Variants in VWA5A observed in about 807,000 individuals in gnomAD.
The protein encoded by VWA5A is von Willebrand factor A domain-containing protein 5A.
A neutral mutation model predicts 84.6 loss-of-function variants in VWA5A; 77 were observed. The ratio of observed to expected loss-of-function variants is 0.91; its 90% CI spans 0.76 to 1.10. The LOEUF (loss-of-function observed/expected upper bound fraction) is 1.10, where lower values mean the gene tolerates loss of function less well. Ranked by LOEUF, VWA5A falls within the 50% of genes least tolerant of loss-of-function variation. The pLI is 0.00. For missense variants in VWA5A, 973 were observed against 963.0 expected, an observed-to-expected ratio of 1.01 and a Z score of -0.14; for synonymous variants, 334 against 350.1, an observed-to-expected ratio of 0.95 and a Z score of 0.51.
chr11:124,122,498 C>G (rs1278516119), intron 7 of VWA5A, among the ~76,000 whole-genome samples: 1 of 152,148 alleles, frequency 6.6e-6, no homozygotes, highest in Non-Finnish European at 1.5e-5. Flanking sequence ...AATTGTCAAC[C>G]TAAAAATTGT....
At chr11:124,136,794 T>C (rs912482437) in intron 14 of VWA5A, 120 bp downstream of exon 14, 6 of 774,012 alleles carry the variant, frequency 7.8e-6, no homozygotes, top group Non-Finnish European at 9.8e-6. Context: ...CCTTCCTTCT[T>C]TCCTCTGCCA....
chr11:124,119,488 T>C (rs764585990), intron 7 of VWA5A, among the ~76,000 whole-genome samples: 6 of 152,254 alleles, frequency 3.9e-5, no homozygotes, highest in Non-Finnish European at 8.8e-5. Context: ...GTGAGTGTGC[T>C]AAAAAGTGAA....
rs1389087475 is a variant in VWA5A at position 124,118,476 on chromosome 11, TGA to T, written c.470-53_470-52del. The T allele has an allele frequency of 1.6e-5, 25 of 1,611,718 alleles. No individual in the cohort carries two copies. The East Asian group carries it at 5.4e-4, about 35-fold the overall frequency. On this transcript the variant is annotated intron_variant, in intron 5 of 18. Transcript: ENST00000456829. ...ATAAATGGGGAAATTTTCTTAAGGTTGAGAGTGTCATAAAAAGTGTTGGCAAG... is the reference window on the plus strand; with the variant it reads ...ATAAATGGGGAAATTTTCTTAAGGTTGAGTGTCATAAAAAGTGTTGGCAAG...
chr11:124,119,192 T>A, intron 7 of VWA5A, 103 bp downstream of exon 7: 1 of 1,066,392 alleles, frequency 9.4e-7, no homozygotes, highest in Non-Finnish European at 1.4e-6. Context: ...CAGGGGTGGT[T>A]AATACATGTG....
intron 17 of VWA5A, among the ~76,000 whole-genome samples, chr11:124,143,829 A>G (rs1354675008): frequency 6.6e-6 from 1 of 152,310 alleles, no homozygotes; most frequent in Admixed American, 6.5e-5. Context: ...CTTCAGACTG[A>G]CATTTCCTTC....
chr11:124,120,828 G>A (rs1276618425), intron 7 of VWA5A, among the ~76,000 whole-genome samples: 2 of 152,206 alleles, frequency 1.3e-5, no homozygotes, highest in African/African-American at 4.8e-5. Flanking sequence ...GTTTTCACCA[G>A]AGAAAGTTCC....
rs117581227 is a variant in VWA5A, at chr11:124,122,327, C to T, written c.761-633C>T. ...TGACAACATGGCCAGATAGACTGGG[C>T]TCCTGTGGTCACCCCCACACCATTG... On this transcript the variant is annotated intron_variant, in intron 7 of 18. Coordinates refer to ENST00000456829, the MANE Select transcript of VWA5A (RefSeq NM_001130142.2). 8.9e-3 allele frequency among the ~76,000 whole-genome samples: 1,360 copies of T among 152,268 alleles called. 9 individuals are homozygous for T. Among genetic ancestry groups the T allele is most frequent in the Middle Eastern group, 0.017 (5 of 294 alleles).
intron 7 of VWA5A, among the ~76,000 whole-genome samples, chr11:124,122,522 A>C (rs1331816611): frequency 6.6e-6 from 1 of 152,214 alleles, no homozygotes; most frequent in Non-Finnish European, 1.5e-5. Flanking sequence ...TGTGAGTATC[A>C]CTTTTTTCAA....
intron 11 of VWA5A, among the ~76,000 whole-genome samples, chr11:124,132,059 T>A (rs1865105395): frequency 1.3e-5 from 2 of 152,050 alleles, no homozygotes; most frequent in African/African-American, 4.8e-5. Context: ...TAATTAATGA[T>A]TGTTAAATTT....
rs144292725 is a variant in VWA5A at position 124,124,271 on chromosome 11, C to A, written c.1199C>A (p.Thr400Lys). 6.2e-7 allele frequency: 1 copy of A among 1,613,910 alleles called. No homozygotes were observed. The highest frequency in any genetic ancestry group is 2.2e-5 in the East Asian group (1 of 44,868). The change falls in exon 11 of 19, where the codon ACG (threonine) becomes AAG (lysine). Residue 400 changes from threonine (T) to lysine (K), a missense_variant. Transcript: ENST00000456829. Reference protein sequence around the residue: ...FVFTDGEVTDTFSVIKEVRIN... With the variant: ...FVFTDGEVTDKFSVIKEVRIN... ...TTTACAGATGGAGAAGTTACAGACACGTTTAGTGTAATTAAAGAAGTTAGG... is the reference window on the plus strand; with the variant it reads ...TTTACAGATGGAGAAGTTACAGACAAGTTTAGTGTAATTAAAGAAGTTAGG...
intron 17 of VWA5A, 49 bp downstream of exon 17, chr11:124,142,621 A>G (rs773160322): frequency 6.2e-6 from 10 of 1,609,134 alleles, no homozygotes; most frequent in Non-Finnish European, 8.5e-6. Flanking sequence ...GAGAGAGGTC[A>G]TCATTGAGAA....
chr11:124,123,286 T>A, intron 8 of VWA5A, 80 bp from the exon 9 acceptor site: 2 of 1,525,250 alleles, frequency 1.3e-6, no homozygotes, highest in African/African-American at 1.4e-5. Flanking sequence ...ATGGCCCACA[T>A]CCTCAAGAGT....
At chr11:124,121,616 G>A (rs1388925811) in intron 7 of VWA5A, among the ~76,000 whole-genome samples, 1 of 152,078 alleles carries the variant, frequency 6.6e-6, no homozygotes, top group African/African-American at 2.4e-5. Flanking sequence ...TCTTGACGTA[G>A]GTGTTACTAC....
At chr11:124,118,893 A>C in intron 6 of VWA5A, 82 bp from the exon 7 acceptor site, 1 of 1,413,152 alleles carries the variant, frequency 7.1e-7, no homozygotes, top group Non-Finnish European at 9.8e-7. Context: ...TGTCTTATGG[A>C]GGAGGACTGC....
At chr11:124,118,490 A>G (rs760464512) in intron 5 of VWA5A, 43 bp from the exon 6 acceptor site, 5 of 1,611,366 alleles carry the variant, frequency 3.1e-6, no homozygotes, top group Non-Finnish European at 4.2e-6. Flanking sequence ...AGTGTCATAA[A>G]AAGTGTTGGC....
intron 3 of VWA5A, 22 bp from the exon 4 acceptor site, chr11:124,117,645 ATGAACT>A (rs758454000): frequency 1.2e-6 from 2 of 1,614,102 alleles, no homozygotes; most frequent in Non-Finnish European, 1.7e-6. Flanking sequence ...TTGAAGCTTG[ATGAACT>A]TGAACTCTGG....
chr11:124,126,969 A>G (rs1332720509), intron 11 of VWA5A, among the ~76,000 whole-genome samples: 1 of 152,192 alleles, frequency 6.6e-6, no homozygotes, highest in African/African-American at 2.4e-5. Flanking sequence ...TAAATTCAAG[A>G]CATTTAAAGT....
At chr11:124,139,034 C>T (rs2137661364) in intron 15 of VWA5A, among the ~76,000 whole-genome samples, 1 of 152,242 alleles carries the variant, frequency 6.6e-6, no homozygotes, top group South Asian at 2.1e-4. Context: ...AAGTGACTGT[C>T]TTTTACCTAT....
In VWA5A at chr11:124,125,789, T is replaced by C. The variant is rs571641964; in HGVS notation, c.1244+1473T>C. Among the ~76,000 whole-genome samples, 21 of 152,374 alleles carry C rather than the reference T, an allele frequency of 1.4e-4. No homozygotes were observed. In the South Asian group the frequency reaches 4.3e-3, roughly 32 times the overall value. ...TACAAGCTCTTTGTTGACTGTATGT[T>C]CTAGAAATACTCTATAGTTTGCTCT... On this transcript the variant is annotated intron_variant, in intron 11 of 18. Coordinates refer to ENST00000456829, the MANE Select transcript of VWA5A (RefSeq NM_001130142.2).
Sources: allele counts gnomAD v4.1 joint callset (sites outside exome capture counted in the v4.1 genomes callset), GRCh38; gene constraint gnomAD v4.1.1; transcripts MANE v1.5; gene names NCBI Gene and HGNC (gene_info 2026-07-23, HGNC 2026-07-21).